CHSY3: variants seen among roughly 807,000 people sequenced by gnomAD.
The protein encoded by CHSY3 is N-acetylgalactosaminyl-proteoglycan 3-beta-glucuronosyltransferase 3.
Under a neutral mutation model 67.2 loss-of-function variants are expected in CHSY3, and 35 were observed. The ratio of observed to expected loss-of-function variants is 0.52; its 90% confidence interval spans 0.40 to 0.69. The LOEUF (loss-of-function observed/expected upper bound fraction) is 0.69, where lower values mean the gene tolerates loss of function less well. CHSY3 is among the 30% of genes least tolerant of loss of function. The pLI, the probability that CHSY3 is intolerant of heterozygous loss-of-function variation, is 0.00. For missense variants in CHSY3, 1,069 were observed against 1,138.5 expected, an observed-to-expected ratio of 0.94 and a Z score of 0.88; for synonymous variants, 474 against 434.7, an observed-to-expected ratio of 1.09 and a Z score of -1.12.
chr5:129,999,119 C>G (rs868734811), intron 2 of CHSY3, among the ~76,000 whole-genome samples: 4 of 130,476 alleles, frequency 3.1e-5, no homozygotes, highest in Admixed American at 1.7e-4. Context: ...CTAGCTCCCC[C>G]CTCCCTTTTT....
rs1212178121 is a variant in CHSY3, at chr5:130,106,492, A to T, written c.1087-77737A>T. Among the ~76,000 whole-genome samples, 5 of 151,720 alleles carry T rather than the reference A, an allele frequency of 3.3e-5. No homozygotes were observed. The East Asian group carries it at 9.6e-4, about 29-fold the overall frequency. On this transcript the variant is annotated intron_variant, in intron 2 of 2. Coordinates refer to ENST00000305031, the MANE Select transcript of CHSY3 (RefSeq NM_175856.5). The stretch of plus-strand genomic sequence containing the variant: ...AATAGATCAAGTCTTTGCCTTTTAA[A>T]CCAGCTTTTATTCTACTGTAGGGAT...
chr5:129,950,209 A>G (rs181875160), intron 2 of CHSY3, among the ~76,000 whole-genome samples: 17 of 152,150 alleles, frequency 1.1e-4, no homozygotes, highest in African/African-American at 4.1e-4. Flanking sequence ...ATGCAGGAAA[A>G]TATTTGACAA....
Position 130,098,176 on chromosome 5 carries a change from T to C in CHSY3, c.1087-86053T>C, listed in dbSNP as rs150862592. ...ACATTTTCATCCCTTGAAGTATCCC[T>C]CATGAGAACCCTTTATAGCCTTACC... On this transcript the variant is annotated intron_variant, in intron 2 of 2. Transcript: ENST00000305031. Among the ~76,000 whole-genome samples, 668 of 152,272 alleles carry C rather than the reference T, an allele frequency of 4.4e-3. 3 individuals are homozygous for C. Among genetic ancestry groups the C allele is most frequent in the Middle Eastern group, 6.8e-3 (2 of 294 alleles).
At chr5:130,159,108 G>A (rs959489520) in intron 2 of CHSY3, among the ~76,000 whole-genome samples, 26 of 149,114 alleles carry the variant, frequency 1.7e-4, no homozygotes, top group Admixed American at 2.0e-4. Flanking sequence ...CAGAATTTTG[G>A]TTTACTAAAA....
Position 130,185,653 on chromosome 5 carries a change from T to C in CHSY3, c.2511T>C (p.His837=), listed in dbSNP as rs775088534. The change falls in exon 3 of 3, where the codon CAT becomes CAC. Residue 837 remains histidine, a synonymous_variant. Coordinates refer to ENST00000305031, the MANE Select transcript of CHSY3 (RefSeq NM_175856.5). ...VGVVHIFHPV[H]CDPNLDPKQY... ...TGGTGCATATTTTCCATCCAGTTCA[T>C]TGTGATCCTAACTTGGACCCTAAGC... 8.7e-6 allele frequency: 14 copies of C among 1,614,084 alleles called. No homozygotes were observed. The highest frequency in any genetic ancestry group is 2.2e-5 in the East Asian group (1 of 44,872).
intron 2 of CHSY3, among the ~76,000 whole-genome samples, chr5:130,096,438 G>A (rs907996627): frequency 6.6e-6 from 1 of 152,048 alleles, no homozygotes; most frequent in Non-Finnish European, 1.5e-5. Flanking sequence ...CCCAAAGTGT[G>A]AGAAATATTT....
At chr5:130,157,313 G>A in intron 2 of CHSY3, among the ~76,000 whole-genome samples, 1 of 152,180 alleles carries the variant, frequency 6.6e-6, no homozygotes, top group Non-Finnish European at 1.5e-5. Flanking sequence ...GCTGTTATGT[G>A]TTTACTTTTG....
chr5:130,029,809 A>T (rs1764655280), intron 2 of CHSY3, among the ~76,000 whole-genome samples: 1 of 152,102 alleles, frequency 6.6e-6, no homozygotes, highest in African/African-American at 2.4e-5. Flanking sequence ...GGGCACAGAG[A>T]CAGAATTGAT....
intron 2 of CHSY3, among the ~76,000 whole-genome samples, chr5:130,000,479 C>T (rs576320019): frequency 2.6e-5 from 4 of 152,244 alleles, no homozygotes; most frequent in African/African-American, 7.2e-5. Context: ...TTCATACATA[C>T]TATGTCTCTT....
intron 2 of CHSY3, among the ~76,000 whole-genome samples, chr5:130,111,476 G>T (rs1767590784): frequency 6.6e-6 from 1 of 152,048 alleles, no homozygotes; most frequent in African/African-American, 2.4e-5. Context: ...ATTTTAAAAA[G>T]CTCTAGGCAA....
chr5:130,078,412 C>T (rs1453539819), intron 2 of CHSY3, among the ~76,000 whole-genome samples: 5 of 152,054 alleles, frequency 3.3e-5, no homozygotes, highest in Admixed American at 6.6e-5. Flanking sequence ...ATACATATCC[C>T]GGTCCCTGCA....
chr5:130,144,966 G>C (rs1769027654), intron 2 of CHSY3, among the ~76,000 whole-genome samples: 1 of 152,154 alleles, frequency 6.6e-6, no homozygotes, highest in Non-Finnish European at 1.5e-5. Context: ...GAAGGAAAAG[G>C]GGGAACCAGC....
intron 2 of CHSY3, among the ~76,000 whole-genome samples, chr5:130,012,539 C>A (rs1340605835): frequency 1.3e-5 from 2 of 152,118 alleles, no homozygotes; most frequent in African/African-American, 4.8e-5. Context: ...AGGAAACTTA[C>A]AATCATGGTG....
intron 2 of CHSY3, among the ~76,000 whole-genome samples, chr5:129,947,333 C>T (rs185890375): frequency 4.5e-4 from 68 of 152,150 alleles, no homozygotes; most frequent in Middle Eastern, 6.8e-3. Flanking sequence ...CAATTCAAGA[C>T]GAGATTTGAG....
intron 2 of CHSY3, among the ~76,000 whole-genome samples, chr5:129,934,997 A>C (rs2416271): frequency 6.6e-6 from 1 of 152,182 alleles, no homozygotes; most frequent in African/African-American, 2.4e-5. Context: ...TTATCAAAGA[A>C]AGACAAACTA....
intron 2 of CHSY3, among the ~76,000 whole-genome samples, chr5:129,999,973 AT>A (rs951762972): frequency 1.3e-5 from 2 of 152,078 alleles, no homozygotes; most frequent in African/African-American, 4.8e-5. Context: ...AGAAATAACC[AT>A]TGTCTTTGAG....
chr5:130,067,677 A>C (rs184443398), intron 2 of CHSY3, among the ~76,000 whole-genome samples: 1 of 152,246 alleles, frequency 6.6e-6, no homozygotes, highest in African/African-American at 2.4e-5. Flanking sequence ...AGGTTAGAGC[A>C]GTAAGATGAG....
At chr5:129,964,854 C>A (rs893254540) in intron 2 of CHSY3, among the ~76,000 whole-genome samples, 2 of 151,784 alleles carry the variant, frequency 1.3e-5, no homozygotes, top group African/African-American at 4.8e-5. Flanking sequence ...TTTTCCCCCA[C>A]TTTTAGAGCT....
At chr5:129,932,299 G>A (rs1436057274) in intron 2 of CHSY3, among the ~76,000 whole-genome samples, 10 of 151,520 alleles carry the variant, frequency 6.6e-5, no homozygotes, top group Admixed American at 6.6e-4. Flanking sequence ...CAAGTATAAC[G>A]GCAGTCTGGA....
Sources: allele counts gnomAD v4.1 joint callset (sites outside exome capture counted in the v4.1 genomes callset), GRCh38; gene constraint gnomAD v4.1.1; transcripts MANE v1.5; gene names NCBI Gene and HGNC (gene_info 2026-07-23, HGNC 2026-07-21).